The following CNTN6 variants were observed in gnomAD, a reference collection of about 807,000 sequenced individuals.
CNTN6 encodes the protein contactin-6.
Under a neutral mutation model 122.8 loss-of-function variants are expected in CNTN6, and 137 were observed. The ratio of observed to expected loss-of-function variants is 1.12; its 90% CI spans 0.97 to 1.29. CNTN6 has a LOEUF of 1.29. Among genes scored for constraint, CNTN6 ranks in the 50% most tolerant of loss-of-function variants. CNTN6 has a pLI of 0.00. For synonymous variants in CNTN6, 570 were observed against 426.0 expected, an observed-to-expected ratio of 1.34 and a Z score of -4.16; for missense variants, 1,634 against 1,223.4, an observed-to-expected ratio of 1.34 and a Z score of -5.01.
intron 4 of CNTN6, among the ~76,000 whole-genome samples, chr3:1,245,460 T>A (rs1008924703): frequency 1.4e-5 from 2 of 147,760 alleles, no homozygotes; most frequent in Admixed American, 6.9e-5. Flanking sequence ...CATCATACGT[T>A]CTTATTCATA....
intron 4 of CNTN6, among the ~76,000 whole-genome samples, chr3:1,265,473 AAAT>A (rs2094913047): frequency 6.6e-6 from 1 of 152,182 alleles, no homozygotes; most frequent in Non-Finnish European, 1.5e-5. Flanking sequence ...TCAAGAGTAG[AAAT>A]GTTTTCTTAA....
intron 2 of CNTN6, among the ~76,000 whole-genome samples, chr3:1,154,865 A>C (rs188544647): frequency 3.3e-4 from 50 of 152,132 alleles, no homozygotes; most frequent in African/African-American, 1.1e-3. Flanking sequence ...TTTCATCTCT[A>C]CTTTTACTTA....
chr3:1,123,700 G>A (rs1193639429), intron 1 of CNTN6, among the ~76,000 whole-genome samples: 1 of 151,834 alleles, frequency 6.6e-6, no homozygotes, highest in Non-Finnish European at 1.5e-5. Context: ...TACTTGCTCT[G>A]GTTAGAACTT....
intron 14 of CNTN6, 95 bp downstream of exon 14, chr3:1,373,050 A>G: frequency 4.2e-6 from 3 of 718,680 alleles, no homozygotes; most frequent in South Asian, 3.9e-5. Context: ...ACACCATGTT[A>G]TGGAAGTGAG....
chr3:1,297,689 G>C (rs1006681382), intron 6 of CNTN6, among the ~76,000 whole-genome samples, 200 bp from the exon 7 acceptor site: 2 of 150,022 alleles, frequency 1.3e-5, no homozygotes, highest in African/African-American at 4.9e-5. Context: ...TCCCTGAAAG[G>C]TAGATAAATG....
At chr3:1,403,263 C>A (rs996680691) in intron 22 of CNTN6, 55 bp from the exon 23 acceptor site, 6 of 1,165,068 alleles carry the variant, frequency 5.1e-6, no homozygotes, top group Non-Finnish European at 7.5e-6. Context: ...AAAAATTAAT[C>A]TAACAGGCAA....
intron 7 of CNTN6, among the ~76,000 whole-genome samples, chr3:1,306,591 A>G (rs1016880622): frequency 4.6e-5 from 7 of 152,178 alleles, no homozygotes; most frequent in African/African-American, 1.4e-4. Flanking sequence ...TCACTTGTCA[A>G]TAGCTGGATG....
rs572418240 is a variant in CNTN6, at chr3:1,123,268, C to T, written c.-82-24659C>T. Reference sequence around the variant, plus strand: ...TGACATCTTAACCACATTAAGCCTCCTAATCCATGAACATAAGATATCTTT... The same window carrying T: ...TGACATCTTAACCACATTAAGCCTCTTAATCCATGAACATAAGATATCTTT... On this transcript the variant is annotated intron_variant, in intron 1 of 22. Transcript: ENST00000446702. 5.7e-4 allele frequency among the ~76,000 whole-genome samples: 87 copies of T among 151,908 alleles called. 1 individual carries two copies. The highest frequency in any genetic ancestry group is 2.0e-3 in the African/African-American group (84 of 41,520).
At chr3:1,281,371 T>C (rs1011060845) in intron 5 of CNTN6, among the ~76,000 whole-genome samples, 1 of 152,210 alleles carries the variant, frequency 6.6e-6, no homozygotes, top group Admixed American at 6.5e-5. Context: ...GTGGCCAAAT[T>C]ATTTTTTAAA....
chr3:1,176,365 C>T (rs1442014918), intron 2 of CNTN6, among the ~76,000 whole-genome samples: 1 of 152,116 alleles, frequency 6.6e-6, no homozygotes, highest in Non-Finnish European at 1.5e-5. Flanking sequence ...TGCTGTGGGC[C>T]AAGATCGTGC....
At position 1,329,908 on chromosome 3, in the gene CNTN6, G is replaced by A. The variant is rs1359807586; in HGVS notation, c.1337G>A (p.Gly446Glu). ...FPRAAISWKR[G>E]TETLRQSKRI... ...AGGGCAGCTATCTCTTGGAAAAGAG[G>A]AACGGAGACCCTTAGACAAAGCAAA... The change falls in exon 11 of 23, where the codon GGA becomes GAA. Residue 446 changes from glycine (G) to glutamate (E), a missense_variant. By Grantham distance (98) the Gly-to-Glu change is moderately conservative (BLOSUM62 -2). Coordinates refer to ENST00000446702, the MANE Select transcript of CNTN6 (RefSeq NM_001289080.2). 1.2e-6 allele frequency: 2 copies of A among 1,609,638 alleles called. No individual in the cohort carries two copies. The highest frequency in any genetic ancestry group is 1.7e-6 in the Non-Finnish European group (2 of 1,177,372).
chr3:1,323,106 C>T (rs888483196), intron 8 of CNTN6, among the ~76,000 whole-genome samples: 2 of 151,560 alleles, frequency 1.3e-5, no homozygotes, highest in African/African-American at 2.4e-5. Context: ...AATAAAGTAC[C>T]TTTCTGTATA....
intron 21 of CNTN6, 61 bp downstream of exon 21, chr3:1,401,606 A>T: frequency 8.6e-7 from 1 of 1,166,936 alleles, no homozygotes. Context: ...GAAACATGTG[A>T]CACCCAAATG....
Position 1,262,520 on chromosome 3 carries a change from C to G in CNTN6, c.359-15893C>G, listed in dbSNP as rs372288694. Among the ~76,000 whole-genome samples the G allele has an allele frequency of 2.8e-4, 42 of 152,230 alleles. No homozygotes were observed. In the East Asian group the frequency reaches 5.4e-3, roughly 20 times the overall value. On this transcript the variant is annotated intron_variant, in intron 4 of 22. Coordinates refer to ENST00000446702, the MANE Select transcript of CNTN6 (RefSeq NM_001289080.2). ...TCTCTTGATCCTTTTTAACTCCACC[C>G]CCGCTTTAGTTTATACTACTTTAAG... is the stretch of plus-strand genomic sequence containing the variant.
intron 5 of CNTN6, among the ~76,000 whole-genome samples, chr3:1,279,605 G>A (rs548049893): frequency 1.3e-5 from 2 of 152,300 alleles, no homozygotes; most frequent in East Asian, 3.9e-4. Flanking sequence ...AATCCAGGAA[G>A]TCTGGTTCCC....
intron 17 of CNTN6, among the ~76,000 whole-genome samples, chr3:1,381,208 A>G (rs886749310): frequency 2.6e-5 from 4 of 152,232 alleles, no homozygotes; most frequent in African/African-American, 9.6e-5. Context: ...GAAATGAATC[A>G]AATGCTCTAG....
At chr3:1,353,142 C>T (rs1300879930) in intron 12 of CNTN6, among the ~76,000 whole-genome samples, 1 of 151,576 alleles carries the variant, frequency 6.6e-6, no homozygotes, top group Non-Finnish European at 1.5e-5. Context: ...TTTGTTGAAT[C>T]TCAGCTCATA....
intron 2 of CNTN6, among the ~76,000 whole-genome samples, chr3:1,162,514 C>T (rs888070577): frequency 1.3e-5 from 2 of 152,154 alleles, no homozygotes; most frequent in Non-Finnish European, 2.9e-5. Context: ...TTCTTAATTG[C>T]CAATTGTCTT....
chr3:1,153,107 T>C lies in CNTN6; in HGVS notation c.55+5044T>C, dbSNP rs191457429. Among the ~76,000 whole-genome samples, 3 of 152,338 alleles carry C rather than the reference T, an allele frequency of 2.0e-5. No individual in the cohort carries two copies. The East Asian group carries it at 5.8e-4, about 29-fold the overall frequency. The stretch of plus-strand genomic sequence containing the variant: ...TTTGTCATTTGTGTTTGTTTTGCCA[T>C]GGGTTAAGGACTTTTATATGTATTT... On this transcript the variant is annotated intron_variant, in intron 2 of 22. Coordinates refer to ENST00000446702, the MANE Select transcript of CNTN6 (RefSeq NM_001289080.2).
Sources: allele counts gnomAD v4.1 joint callset (sites outside exome capture counted in the v4.1 genomes callset), GRCh38; gene constraint gnomAD v4.1.1; transcripts MANE v1.5; gene names NCBI Gene and HGNC (gene_info 2026-07-23, HGNC 2026-07-21).